The following AMTN variants were observed in gnomAD, a reference collection of about 807,000 sequenced individuals.
AMTN encodes the protein amelotin, also known as RSTI689.
A neutral mutation model predicts 27.4 loss-of-function variants in AMTN; 29 were observed. That is an observed-to-expected ratio of 1.06 (90% CI 0.79 to 1.44). The LOEUF (loss-of-function observed/expected upper bound fraction) is 1.44, where lower values mean the gene tolerates loss of function less well. AMTN is among the 40% of genes most tolerant of loss of function. The pLI is 0.00. For missense variants in AMTN, 247 were observed against 248.8 expected, an observed-to-expected ratio of 0.99 and a Z score of 0.05; for synonymous variants, 86 against 95.7, an observed-to-expected ratio of 0.90 and a Z score of 0.59.
intron 5 of AMTN, among the ~76,000 whole-genome samples, chr4:70,526,649 G>C (rs1736104550): frequency 6.6e-6 from 1 of 152,176 alleles, no homozygotes; most frequent in African/African-American, 2.4e-5. Context: ...TGATTGCCCA[G>C]CTTCAGTCTC....
chr4:70,524,851 G>GTCT (rs763893330), intron 4 of AMTN, 21 bp from the exon 5 acceptor site: 1 of 1,608,616 alleles, frequency 6.2e-7, no homozygotes, highest in South Asian at 1.1e-5. Flanking sequence ...TACAATGAAA[G>GTCT]TCTTCTTCCT....
intron 4 of AMTN, among the ~76,000 whole-genome samples, 153 bp from the exon 5 acceptor site, chr4:70,524,719 C>G (rs1560573188): frequency 2.0e-5 from 3 of 152,300 alleles, no homozygotes; most frequent in South Asian, 4.1e-4. Flanking sequence ...TAAATTTCAT[C>G]TTTGTGTCTA....
Position 70,529,220 on chromosome 4 carries a change from A to G in AMTN, c.357+10A>G. 6.5e-7 allele frequency: 1 copy of G among 1,534,848 alleles called. No individual in the cohort carries two copies. The highest frequency in any genetic ancestry group is 8.8e-7 in the Non-Finnish European group (1 of 1,142,590). On this transcript the variant is annotated intron_variant, in intron 7 of 8. Coordinates refer to ENST00000339336, the MANE Select transcript of AMTN (RefSeq NM_212557.4). Reference sequence around the variant, plus strand: ...AAGCTCAGAGGAATTGGTAAAAAAAATAAAAATACTATTTCAAATTATTTT... The same window carrying G: ...AAGCTCAGAGGAATTGGTAAAAAAAGTAAAAATACTATTTCAAATTATTTT...
At chr4:70,522,949 C>T (rs17149005) in intron 3 of AMTN, 111 bp downstream of exon 3, 73,252 of 1,028,764 alleles carry the variant, frequency 0.071, 3,263 homozygotes, top group African/African-American at 0.16. Context: ...TCAAAATTTA[C>T]ATGAAGACTG....
At chr4:70,529,014 G>T (rs1224663907) in intron 6 of AMTN, among the ~76,000 whole-genome samples, 170 bp from the exon 7 acceptor site, 1 of 152,138 alleles carries the variant, frequency 6.6e-6, no homozygotes, top group Non-Finnish European at 1.5e-5. Flanking sequence ...CACATCATAT[G>T]CTGACTTGAG....
At chr4:70,519,449 G>T (rs561045842) in intron 2 of AMTN, among the ~76,000 whole-genome samples, 1 of 152,230 alleles carries the variant, frequency 6.6e-6, no homozygotes, top group African/African-American at 2.4e-5. Context: ...CTCTTTGACT[G>T]TTCAAGATGG....
rs370895441 is a variant in AMTN at position 70,528,751 on chromosome 4, G to T, written c.323G>T (p.Gly108Val). ...HVLPIFVTQLGAQGTILSSEE... is the reference protein window; with the variant it reads ...HVLPIFVTQLVAQGTILSSEE... ...TTACCAATTTTTGTCACACAACTTGGAGCCCAGGTAAAAATTATGCTTAAT... is the reference window on the plus strand; with the variant it reads ...TTACCAATTTTTGTCACACAACTTGTAGCCCAGGTAAAAATTATGCTTAAT... Residue 108 changes from glycine to valine, a missense_variant, in exon 6 of 9, where the codon GGA becomes GTA. Coordinates refer to ENST00000339336, the MANE Select transcript of AMTN (RefSeq NM_212557.4). 4 of 1,596,038 alleles carry T rather than the reference G, an allele frequency of 2.5e-6. No homozygotes were observed. Among genetic ancestry groups the T allele is most frequent in the Non-Finnish European group, 3.4e-6 (4 of 1,174,360 alleles).
chr4:70,526,697 T>C (rs182759908), intron 5 of AMTN, among the ~76,000 whole-genome samples: 14 of 152,330 alleles, frequency 9.2e-5, no homozygotes, highest in African/African-American at 3.1e-4. Flanking sequence ...GTAGACTTAC[T>C]GCATCTTCAT....
intron 5 of AMTN, among the ~76,000 whole-genome samples, chr4:70,526,007 G>A (rs756001497): frequency 2.6e-5 from 4 of 151,980 alleles, no homozygotes; most frequent in South Asian, 2.1e-4. Flanking sequence ...ATGTGACCTC[G>A]GCCCCCATTA....
chr4:70,527,703 T>A (rs1713816947), intron 5 of AMTN, among the ~76,000 whole-genome samples: 1 of 152,244 alleles, frequency 6.6e-6, no homozygotes, highest in Admixed American at 6.5e-5. Context: ...TTTTGATTAC[T>A]TTCCTGACAC....
At chr4:70,525,844 G>A (rs538561266) in intron 5 of AMTN, among the ~76,000 whole-genome samples, 1 of 152,108 alleles carries the variant, frequency 6.6e-6, no homozygotes, top group Non-Finnish European at 1.5e-5. Flanking sequence ...AGGCTGCAGT[G>A]AGCAGCGATT....
At chr4:70,524,993 A>C in intron 5 of AMTN, 32 bp downstream of exon 5, 2 of 1,583,730 alleles carry the variant, frequency 1.3e-6, no homozygotes, top group Non-Finnish European at 1.7e-6. Flanking sequence ...TAGTTTTAAC[A>C]TTAGAGAGCA....
intron 7 of AMTN, 128 bp from the exon 8 acceptor site, chr4:70,530,911 G>A (rs1186018508): frequency 3.1e-6 from 4 of 1,290,038 alleles, no homozygotes; most frequent in Admixed American, 4.9e-5. Context: ...AGGAATGCCA[G>A]GTCTTTGCTG....
chr4:70,521,554 A>T (rs1248699046), intron 2 of AMTN, among the ~76,000 whole-genome samples: 2 of 145,778 alleles, frequency 1.4e-5, no homozygotes, highest in African/African-American at 5.0e-5. Flanking sequence ...ATTTATATAT[A>T]TTATATATAT....
chr4:70,524,622 A>G (rs1736055499), intron 4 of AMTN, among the ~76,000 whole-genome samples: 1 of 151,050 alleles, frequency 6.6e-6, no homozygotes, highest in African/African-American at 2.4e-5. Flanking sequence ...ATTCTCAAAC[A>G]GAATAGGTTA....
chr4:70,527,233 G>A (rs191819213), intron 5 of AMTN, among the ~76,000 whole-genome samples: 8 of 152,260 alleles, frequency 5.3e-5, no homozygotes, highest in Admixed American at 2.6e-4. Context: ...GTAAACATGC[G>A]ATGTGTTATT....
chr4:70,524,978 G>A lies in AMTN; in HGVS notation c.294+17G>A. The A allele has an allele frequency of 6.2e-7, 1 of 1,609,156 alleles. No homozygotes were observed. Among genetic ancestry groups the A allele is most frequent in the Non-Finnish European group, 8.5e-7 (1 of 1,176,280 alleles). On this transcript the variant is annotated intron_variant, in intron 5 of 8. Transcript: ENST00000339336. ...CACCCACATGTAAGTTGAACAGCTG[G>A]ACCTTAGTTTTAACATTAGAGAGCA...
At chr4:70,522,962 C>A (rs986811493) in intron 3 of AMTN, 124 bp downstream of exon 3, 1 of 827,948 alleles carries the variant, frequency 1.2e-6, no homozygotes, top group Non-Finnish European at 1.9e-6. Context: ...GAAGACTGTA[C>A]AAGACTGAAC....
At chr4:70,523,804 C>T in intron 3 of AMTN, 64 bp from the exon 4 acceptor site, 1 of 1,384,172 alleles carries the variant, frequency 7.2e-7, no homozygotes, top group Non-Finnish European at 1.0e-6. Flanking sequence ...AGGATATCCA[C>T]CACTGACAGA....
Sources: gnomAD v4.1 joint callset for allele counts (sites outside exome capture counted in the v4.1 genomes callset) on GRCh38, gnomAD v4.1.1 for gene constraint, MANE v1.5 for transcripts, NCBI Gene and HGNC (gene_info 2026-07-23, HGNC 2026-07-21) for gene names.